Variants in CFAP299 observed in about 807,000 individuals in gnomAD.
CFAP299 encodes the protein cilia- and flagella-associated protein 299.
CFAP299 carries 21 observed loss-of-function variants against 27.0 expected under a neutral mutation model. That is an observed-to-expected ratio of 0.78 (90% CI 0.55 to 1.12). CFAP299 has a LOEUF of 1.12. Among genes scored for constraint, CFAP299 ranks in the 50% most tolerant of loss-of-function variants. CFAP299 has a pLI of 0.00. For missense variants in CFAP299, 310 were observed against 276.6 expected, an observed-to-expected ratio of 1.12 and a Z score of -0.86; for synonymous variants, 104 against 98.1, an observed-to-expected ratio of 1.06 and a Z score of -0.36.
intron 3 of CFAP299, among the ~76,000 whole-genome samples, chr4:80,711,538 G>A (rs1336883042): frequency 6.6e-6 from 1 of 152,130 alleles, no homozygotes; most frequent in Admixed American, 6.6e-5. Flanking sequence ...TGTAGTCATA[G>A]ACCCAACAGG....
At chr4:80,698,607 A>T (rs951656071) in intron 3 of CFAP299, among the ~76,000 whole-genome samples, 3 of 152,234 alleles carry the variant, frequency 2.0e-5, no homozygotes, top group Non-Finnish European at 4.4e-5. Context: ...GGCAAAGTAT[A>T]TTAATCTATT....
At chr4:80,509,087 A>G (rs1217021046) in intron 2 of CFAP299, among the ~76,000 whole-genome samples, 4 of 152,182 alleles carry the variant, frequency 2.6e-5, no homozygotes, top group African/African-American at 9.7e-5. Context: ...CTTGGTTACT[A>G]ATGAAGGGGC....
intron 3 of CFAP299, among the ~76,000 whole-genome samples, chr4:80,865,893 G>C (rs193011410): frequency 8.2e-6 from 1 of 121,558 alleles, no homozygotes; most frequent in East Asian, 2.8e-4. Flanking sequence ...CACAGGGTGG[G>C]GAACATCACA....
chr4:80,899,745 G>A (rs1734791882), intron 4 of CFAP299, among the ~76,000 whole-genome samples: 3 of 152,118 alleles, frequency 2.0e-5, no homozygotes, highest in African/African-American at 7.2e-5. Flanking sequence ...AGTCAGCTTG[G>A]GTTCAAATCC....
intron 2 of CFAP299, among the ~76,000 whole-genome samples, chr4:80,376,305 C>T (rs1166843083): frequency 6.6e-6 from 1 of 151,880 alleles, no homozygotes; most frequent in Non-Finnish European, 1.5e-5. Context: ...GTGTACATAT[C>T]TGTTTTCCAG....
chr4:80,454,179 A>C (rs1729036543), intron 2 of CFAP299, among the ~76,000 whole-genome samples: 1 of 152,102 alleles, frequency 6.6e-6, no homozygotes, highest in Non-Finnish European at 1.5e-5. Flanking sequence ...GAGTGGCCAG[A>C]GTCTGGGAGG....
At chr4:80,941,975 T>C (rs1222507009) in intron 4 of CFAP299, among the ~76,000 whole-genome samples, 2 of 152,126 alleles carry the variant, frequency 1.3e-5, no homozygotes, top group Non-Finnish European at 2.9e-5. Flanking sequence ...GGGATTACAA[T>C]TCAACATGAG....
intron 3 of CFAP299, among the ~76,000 whole-genome samples, chr4:80,822,885 A>C (rs1729780891): frequency 6.6e-6 from 1 of 152,214 alleles, no homozygotes; most frequent in African/African-American, 2.4e-5. Context: ...TGATTCTAGC[A>C]TATTGAAATA....
chr4:80,344,075 C>A (rs1215890065), intron 1 of CFAP299, among the ~76,000 whole-genome samples: 1 of 152,044 alleles, frequency 6.6e-6, no homozygotes, highest in Non-Finnish European at 1.5e-5. Context: ...CCTGACAACA[C>A]AACTAAAAGA....
intron 2 of CFAP299, among the ~76,000 whole-genome samples, chr4:80,423,631 A>G (rs902204854): frequency 6.6e-6 from 1 of 152,134 alleles, no homozygotes; most frequent in African/African-American, 2.4e-5. Flanking sequence ...TTGCTTAGTT[A>G]CTGGAGGGGT....
chr4:80,800,954 A>C (rs1486787054), intron 3 of CFAP299, among the ~76,000 whole-genome samples: 1 of 151,068 alleles, frequency 6.6e-6, no homozygotes, highest in African/African-American at 2.4e-5. Flanking sequence ...CACGGGAGAA[A>C]GATGTAGATC....
At chr4:80,800,322 AT>A (rs374538826) in intron 3 of CFAP299, among the ~76,000 whole-genome samples, 1 of 71,088 alleles carries the variant, frequency 1.4e-5, no homozygotes, top group Non-Finnish European at 2.3e-5. Context: ...TATATGATAC[AT>A]TAATATTAAT....
At chr4:80,597,585 T>G (rs1370111849) in intron 3 of CFAP299, among the ~76,000 whole-genome samples, 1 of 152,240 alleles carries the variant, frequency 6.6e-6, no homozygotes, top group Non-Finnish European at 1.5e-5. Context: ...TCTACGCTGT[T>G]TAAGATATCT....
chr4:80,408,062 G>T (rs1726523105), intron 2 of CFAP299, among the ~76,000 whole-genome samples: 2 of 152,020 alleles, frequency 1.3e-5, no homozygotes, highest in African/African-American at 4.8e-5. Context: ...ATGGATATTT[G>T]GATTTCTTAT....
At chr4:80,704,540 A>G (rs1004747748) in intron 3 of CFAP299, among the ~76,000 whole-genome samples, 5 of 151,842 alleles carry the variant, frequency 3.3e-5, no homozygotes, top group African/African-American at 1.2e-4. Context: ...GCCTATGGAT[A>G]CTATGTGATA....
chr4:80,917,970 A>G (rs1259032915), intron 4 of CFAP299, among the ~76,000 whole-genome samples: 2 of 152,212 alleles, frequency 1.3e-5, no homozygotes, highest in East Asian at 3.9e-4. Flanking sequence ...ATGAAATGAT[A>G]TAGTTACCTG....
At chr4:80,948,645 A>G (rs1315292527) in intron 5 of CFAP299, among the ~76,000 whole-genome samples, 1 of 151,514 alleles carries the variant, frequency 6.6e-6, no homozygotes, top group Non-Finnish European at 1.5e-5. Context: ...TAAGGCAAGA[A>G]AGAGAGAGAG....
chr4:80,590,547 GA>G lies in CFAP299; in HGVS notation c.333+7366del, dbSNP rs1736680965. On this transcript the variant is annotated intron_variant, in intron 3 of 5. Transcript: ENST00000358105. ...AGCTACTTGGGAGGCTGAGGCAGGAGAATTGTTTGAACCCGGGAGGCGGAGG... is the reference window on the plus strand; with the variant it reads ...AGCTACTTGGGAGGCTGAGGCAGGAGATTGTTTGAACCCGGGAGGCGGAGG... 2.0e-5 allele frequency among the ~76,000 whole-genome samples: 3 copies of G among 152,152 alleles called. No homozygotes were observed. The South Asian group carries it at 6.2e-4, about 32-fold the overall frequency.
chr4:80,773,331 G>C (rs545789922), intron 3 of CFAP299, among the ~76,000 whole-genome samples: 2 of 152,230 alleles, frequency 1.3e-5, no homozygotes, highest in African/African-American at 4.8e-5. Flanking sequence ...AAAGTATATA[G>C]GGTGTGAGGC....
Sources: gnomAD v4.1 joint callset for allele counts (sites outside exome capture counted in the v4.1 genomes callset) on GRCh38, gnomAD v4.1.1 for gene constraint, MANE v1.5 for transcripts, NCBI Gene and HGNC (gene_info 2026-07-23, HGNC 2026-07-21) for gene names.